Variants in UST observed in about 807,000 individuals in gnomAD.
UST encodes chondroitin sulfate 2-O-sulfotransferase.
UST carries 21 observed loss-of-function variants against 45.6 expected under a neutral mutation model. The ratio of observed to expected loss-of-function variants is 0.46; its 90% confidence interval spans 0.33 to 0.66. UST has a LOEUF of 0.66. Ranked by LOEUF, UST falls within the 30% of genes least tolerant of loss-of-function variation. UST has a pLI of 0.02. For missense variants in UST, 463 were observed against 512.4 expected (o/e 0.90, Z 0.93); for synonymous variants, 215 against 200.6 (o/e 1.07, Z -0.61).
intron 1 of UST, among the ~76,000 whole-genome samples, chr6:148,772,418 C>T (rs979807657): frequency 1.3e-5 from 2 of 150,362 alleles, no homozygotes; most frequent in East Asian, 3.9e-4. Flanking sequence ...TTGGGTGGGC[C>T]CTTCTGACCT....
At chr6:148,871,537 T>G (rs1232917127) in intron 1 of UST, among the ~76,000 whole-genome samples, 3 of 152,186 alleles carry the variant, frequency 2.0e-5, no homozygotes, top group African/African-American at 7.2e-5. Flanking sequence ...TCCTATGAGT[T>G]TGAGTTATTT....
chr6:148,909,174 C>T (rs1779428266), intron 2 of UST, among the ~76,000 whole-genome samples: 1 of 151,978 alleles, frequency 6.6e-6, no homozygotes, highest in Non-Finnish European at 1.5e-5. Context: ...TGGTAAAATT[C>T]CTCTTCAGTT....
intron 1 of UST, among the ~76,000 whole-genome samples, chr6:148,814,046 T>A (rs926047139): frequency 6.6e-6 from 1 of 152,194 alleles, no homozygotes; most frequent in African/African-American, 2.4e-5. Context: ...GCACTTTCCA[T>A]CATTTCAAAA....
chr6:148,834,493 G>C (rs1247780390), intron 1 of UST, among the ~76,000 whole-genome samples: 1 of 152,170 alleles, frequency 6.6e-6, no homozygotes, highest in East Asian at 1.9e-4. Context: ...CCAGCACTTT[G>C]GGAGGCCAAG....
intron 1 of UST, among the ~76,000 whole-genome samples, chr6:148,799,027 G>A (rs2114713934): frequency 6.6e-6 from 1 of 152,114 alleles, no homozygotes; most frequent in East Asian, 1.9e-4. Context: ...GCACCACCAT[G>A]CCCGGCTAAT....
chr6:148,757,517 G>A (rs773236905), intron 1 of UST, among the ~76,000 whole-genome samples: 2 of 152,190 alleles, frequency 1.3e-5, no homozygotes, highest in Non-Finnish European at 2.9e-5. Flanking sequence ...GTTTAACCTA[G>A]AACTGCAACA....
rs185807235 is a variant in UST, at chr6:149,065,819, C to T, written c.938-8014C>T. 9.2e-3 allele frequency among the ~76,000 whole-genome samples: 1,402 copies of T among 152,328 alleles called. 13 individuals carry two copies. Among genetic ancestry groups the T allele is most frequent in the Non-Finnish European group, 0.014 (945 of 68,036 alleles). ...AAAATAGCACTCCTGTTTCTGACCG[C>T]GACATAACCCTCTGGCAATGTCATT... is the stretch of plus-strand genomic sequence containing the variant. On this transcript the variant is annotated intron_variant, in intron 7 of 7. Coordinates refer to ENST00000367463, the MANE Select transcript of UST (RefSeq NM_005715.3).
chr6:148,778,035 TG>T (rs1776568335), intron 1 of UST, among the ~76,000 whole-genome samples: 1 of 152,224 alleles, frequency 6.6e-6, no homozygotes, highest in Admixed American at 6.5e-5. Flanking sequence ...GTTTGTACAA[TG>T]ATGAAATGCC....
chr6:148,886,608 A>T (rs1778916449), intron 1 of UST, among the ~76,000 whole-genome samples: 1 of 152,210 alleles, frequency 6.6e-6, no homozygotes, highest in African/African-American at 2.4e-5. Context: ...GCAGGTTCTC[A>T]GACTGGGGCT....
intron 1 of UST, among the ~76,000 whole-genome samples, chr6:148,772,576 C>T (rs1776451758): frequency 6.6e-6 from 1 of 152,112 alleles, no homozygotes; most frequent in African/African-American, 2.4e-5. Context: ...GTGTGCACCA[C>T]CATGCCCGGC....
At chr6:148,808,779 G>A (rs532429568) in intron 1 of UST, among the ~76,000 whole-genome samples, 68 of 152,284 alleles carry the variant, frequency 4.5e-4, no homozygotes, top group South Asian at 1.0e-3. Context: ...TGAAATCATG[G>A]AGATGGAGCC....
At chr6:148,992,331 C>T (rs1012938002) in intron 5 of UST, among the ~76,000 whole-genome samples, 1 of 152,014 alleles carries the variant, frequency 6.6e-6, no homozygotes, top group Admixed American at 6.5e-5. Flanking sequence ...GGTGAAACCC[C>T]GTCTCTACTA....
Position 148,995,146 on chromosome 6 carries a change from TCCCAA to T in UST, c.682-23992_682-23988del, listed in dbSNP as rs1335225151. On this transcript the variant is annotated intron_variant, in intron 5 of 7. Transcript: ENST00000367463. ...TTCAAGCTATTCTCGTACCTCAGCT[TCCCAA>T]GTAGCTGGAATTATAGGCACGCACC... 3.3e-5 allele frequency among the ~76,000 whole-genome samples: 5 copies of T among 152,170 alleles called. No individual in the cohort carries two copies. In the South Asian group the frequency reaches 1.0e-3, roughly 32 times the overall value.
At chr6:149,017,805 C>T (rs200284728) in intron 5 of UST, among the ~76,000 whole-genome samples, 24,778 of 93,018 alleles carry the variant, frequency 0.27, 2,233 homozygotes, top group African/African-American at 0.37. Context: ...TATATACACA[C>T]ACACACACAC....
At chr6:149,056,375 G>T (rs1014460046) in intron 7 of UST, among the ~76,000 whole-genome samples, 2 of 151,938 alleles carry the variant, frequency 1.3e-5, no homozygotes, top group Admixed American at 1.3e-4. Flanking sequence ...TCAAAGTGCT[G>T]GGATTACAGG....
chr6:148,984,916 T>C (rs189868381), intron 5 of UST, among the ~76,000 whole-genome samples: 20 of 152,282 alleles, frequency 1.3e-4, no homozygotes, highest in African/African-American at 4.3e-4. Context: ...CCAAGAGGAA[T>C]GGATAAAGAC....
chr6:148,945,176 T>C (rs1179412004), intron 3 of UST, among the ~76,000 whole-genome samples: 1 of 152,242 alleles, frequency 6.6e-6, no homozygotes, highest in Non-Finnish European at 1.5e-5. Flanking sequence ...TTGTTTTTCT[T>C]CATTGTTTCA....
chr6:148,878,397 C>T (rs1423799962), intron 1 of UST, among the ~76,000 whole-genome samples: 9 of 15,378 alleles, frequency 5.9e-4, no homozygotes, highest in Admixed American at 2.0e-3. Flanking sequence ...TGTACGAGTG[C>T]GGAGATTGTG....
chr6:148,957,479 G>A (rs956341559), intron 4 of UST, among the ~76,000 whole-genome samples: 1 of 152,154 alleles, frequency 6.6e-6, no homozygotes, highest in Non-Finnish European at 1.5e-5. Flanking sequence ...GTCTTACTCT[G>A]TCGCCCAGGC....
Sources: gnomAD v4.1 joint callset for allele counts (sites outside exome capture counted in the v4.1 genomes callset) on GRCh38, gnomAD v4.1.1 for gene constraint, MANE v1.5 for transcripts, NCBI Gene and HGNC (gene_info 2026-07-23, HGNC 2026-07-21) for gene names.